CACNA2D3: variants seen among roughly 807,000 people sequenced by gnomAD.
CACNA2D3 encodes voltage-dependent calcium channel subunit alpha-2/delta-3.
Under a neutral mutation model 160.6 loss-of-function variants are expected in CACNA2D3, and 60 were observed. The ratio of observed to expected loss-of-function variants is 0.37; its 90% CI spans 0.30 to 0.46. CACNA2D3 has a LOEUF of 0.46. Among genes scored for constraint, CACNA2D3 ranks in the 20% least tolerant of loss-of-function variants. The pLI is 1.00. For synonymous variants in CACNA2D3, 558 were observed against 492.9 expected, an observed-to-expected ratio of 1.13 and a Z score of -1.75; for missense variants, 1,205 against 1,365.0, an observed-to-expected ratio of 0.88 and a Z score of 1.85.
chr3:54,725,515 T>TA (rs1220085061), intron 11 of CACNA2D3, among the ~76,000 whole-genome samples: 14 of 152,254 alleles, frequency 9.2e-5, no homozygotes, highest in Non-Finnish European at 2.1e-4. Context: ...AAATCTTCAA[T>TA]AAAAAACTGG....
At chr3:54,561,776 T>A (rs1333757379) in intron 5 of CACNA2D3, among the ~76,000 whole-genome samples, 1 of 152,220 alleles carries the variant, frequency 6.6e-6, no homozygotes, top group Non-Finnish European at 1.5e-5. Flanking sequence ...GTTATCCATC[T>A]GTATTGGCCT....
At chr3:54,870,917 T>C (rs1699509438) in intron 17 of CACNA2D3, among the ~76,000 whole-genome samples, 1 of 152,022 alleles carries the variant, frequency 6.6e-6, no homozygotes, top group Non-Finnish European at 1.5e-5. Flanking sequence ...GGAGTACGGG[T>C]AGGTTTGAGA....
chr3:54,661,045 A>G (rs1699960884), intron 11 of CACNA2D3, among the ~76,000 whole-genome samples: 1 of 152,144 alleles, frequency 6.6e-6, no homozygotes, highest in Non-Finnish European at 1.5e-5. Flanking sequence ...TGGGAAGCAA[A>G]GAGGCCCATG....
intron 13 of CACNA2D3, among the ~76,000 whole-genome samples, chr3:54,810,099 G>A (rs919083166): frequency 1.3e-5 from 2 of 152,280 alleles, no homozygotes; most frequent in Non-Finnish European, 2.9e-5. Flanking sequence ...AGGGAAGTGG[G>A]GTAGTCAGAG....
At chr3:54,548,603 A>G (rs1702103600) in intron 5 of CACNA2D3, among the ~76,000 whole-genome samples, 1 of 152,104 alleles carries the variant, frequency 6.6e-6, no homozygotes, top group Admixed American at 6.5e-5. Context: ...AGTAGACACC[A>G]CCTTCTTCCT....
At chr3:54,344,278 G>T (rs1488820321) in intron 3 of CACNA2D3, among the ~76,000 whole-genome samples, 1 of 152,130 alleles carries the variant, frequency 6.6e-6, no homozygotes, top group Middle Eastern at 3.2e-3. Flanking sequence ...CTGGTGTCTG[G>T]ACTTCTGACT....
intron 11 of CACNA2D3, among the ~76,000 whole-genome samples, chr3:54,744,363 C>T (rs1052918128): frequency 6.6e-6 from 1 of 152,142 alleles, no homozygotes; most frequent in Non-Finnish European, 1.5e-5. Context: ...GCCAGATGTT[C>T]TTAGACAGTC....
intron 4 of CACNA2D3, among the ~76,000 whole-genome samples, chr3:54,493,187 C>T (rs1701143969): frequency 6.7e-6 from 1 of 149,562 alleles, no homozygotes; most frequent in Non-Finnish European, 1.5e-5. Context: ...AAGCAATTCT[C>T]CTGCCTCAGC....
chr3:54,141,931 C>T (rs574454548), intron 2 of CACNA2D3, among the ~76,000 whole-genome samples: 13 of 152,180 alleles, frequency 8.5e-5, no homozygotes, highest in Non-Finnish European at 1.3e-4. Context: ...ATTGCACCCT[C>T]GTGGAGATTA....
intron 4 of CACNA2D3, among the ~76,000 whole-genome samples, chr3:54,493,356 C>T (rs368303053): frequency 2.0e-5 from 3 of 152,164 alleles, no homozygotes; most frequent in East Asian, 1.9e-4. Context: ...GGATTTCAGG[C>T]GTGAGCAACC....
intron 11 of CACNA2D3, among the ~76,000 whole-genome samples, chr3:54,737,182 A>ATGTGTGTGTGTGTGTG (rs4025817): frequency 6.8e-6 from 1 of 147,490 alleles, no homozygotes; most frequent in Non-Finnish European, 1.5e-5. Flanking sequence ...CCATGTGTAT[A>ATGTGTGTGTGTGTGTG]TGTGTGTGTG....
intron 35 of CACNA2D3, among the ~76,000 whole-genome samples, chr3:55,058,799 TCTGAGGCCAA>T (rs1704429777): frequency 6.6e-6 from 1 of 152,180 alleles, no homozygotes; most frequent in African/African-American, 2.4e-5. Flanking sequence ...ATGCTCAGGC[TCTGAGGCCAA>T]ATGGCCTGGG....
At chr3:54,326,059 T>C (rs1339279027) in intron 3 of CACNA2D3, among the ~76,000 whole-genome samples, 1 of 152,230 alleles carries the variant, frequency 6.6e-6, no homozygotes, top group East Asian at 1.9e-4. Context: ...AGCTTTACTG[T>C]GGAAAGTAAT....
At chr3:54,161,290 G>T (rs996049070) in intron 2 of CACNA2D3, among the ~76,000 whole-genome samples, 1 of 152,168 alleles carries the variant, frequency 6.6e-6, no homozygotes. Context: ...CACTGCCGTG[G>T]CCATACCATT....
At chr3:54,224,940 C>CTTTTTTTTTTTTT (rs58653320) in intron 2 of CACNA2D3, among the ~76,000 whole-genome samples, 2 of 128,002 alleles carry the variant, frequency 1.6e-5, no homozygotes, top group African/African-American at 2.9e-5. Context: ...GACTGAATAT[C>CTTTTTTTTTTTTT]TTTTTTTTTT....
At chr3:54,364,712 G>C (rs973854057) in intron 3 of CACNA2D3, among the ~76,000 whole-genome samples, 18 of 152,258 alleles carry the variant, frequency 1.2e-4, no homozygotes, top group African/African-American at 4.1e-4. Flanking sequence ...ACTCTCTTCA[G>C]CTGTTTATTA....
chr3:54,774,420 C>T lies in CACNA2D3; in HGVS notation c.1380+10069C>T, dbSNP rs924983218. ...GAAGAGAGAGAGTGGGGAGGTGCTA[C>T]ACACTTTTGAGCAACCAGATCTCGT... On this transcript the variant is annotated intron_variant, in intron 13 of 37. Transcript: ENST00000474759. Among the ~76,000 whole-genome samples the T allele has an allele frequency of 6.6e-5, 10 of 151,872 alleles. No homozygotes were observed. In the South Asian group the frequency reaches 8.3e-4, roughly 13 times the overall value.
intron 11 of CACNA2D3, among the ~76,000 whole-genome samples, chr3:54,647,144 C>T (rs1699667559): frequency 6.6e-6 from 1 of 152,182 alleles, no homozygotes; most frequent in Admixed American, 6.5e-5. Context: ...CAGTTAGCAC[C>T]TCGATTGTAG....
intron 2 of CACNA2D3, among the ~76,000 whole-genome samples, chr3:54,306,328 T>TGAGA (rs140311356): frequency 1.3e-5 from 2 of 151,216 alleles, no homozygotes; most frequent in South Asian, 2.1e-4. Flanking sequence ...TGTGTGTATA[T>TGAGA]GAGAGAGAGA....
Sources: gnomAD v4.1 joint callset for allele counts (sites outside exome capture counted in the v4.1 genomes callset) on GRCh38, gnomAD v4.1.1 for gene constraint, MANE v1.5 for transcripts, NCBI Gene and HGNC (gene_info 2026-07-23, HGNC 2026-07-21) for gene names.